The following PCYT1A variants were observed in gnomAD, a reference collection of about 807,000 sequenced individuals.
PCYT1A encodes phosphate cytidylyltransferase 1A, choline.
In PCYT1A, 25 loss-of-function variants were observed where a neutral mutation model predicts 43.7. The ratio of observed to expected loss-of-function variants is 0.57; its 90% CI spans 0.42 to 0.80. The LOEUF (loss-of-function observed/expected upper bound fraction) is 0.80. PCYT1A is among the 30% of genes least tolerant of loss of function. The pLI, the probability that PCYT1A is intolerant of heterozygous loss-of-function variation, is 0.00. For synonymous variants in PCYT1A, 172 were observed against 170.7 expected (o/e 1.01, Z -0.06); for missense variants, 421 against 474.2 (o/e 0.89, Z 1.04).
rs12635925 is a variant in PCYT1A, at chr3:196,268,749, C to A, written c.117+1666G>T. ...GGCAGACGTTGCAGTGAACCGGGAC[C>A]GCACCACTGCACTCCAGCCTGGGTG... On this transcript the variant is annotated intron_variant, in intron 2 of 8. Coordinates refer to ENST00000431016, the MANE Select transcript of PCYT1A (RefSeq NM_001312673.2). This position sits in a 1 kb window ranked among gnomAD's most constrained non-coding sequence, Gnocchi z 4.4. Among the ~76,000 whole-genome samples the A allele has an allele frequency of 1.3e-5, 2 of 151,976 alleles. No homozygotes were observed. The highest frequency in any genetic ancestry group is 6.6e-5 in the Admixed American group (1 of 15,244).
chr3:196,243,875 G>A (rs551610196), intron 5 of PCYT1A, among the ~76,000 whole-genome samples: 30 of 152,352 alleles, frequency 2.0e-4, no homozygotes, highest in Non-Finnish European at 3.4e-4. Context: ...GCGTGATCTC[G>A]GCTCGCTACA....
At position 196,237,947 on chromosome 3, in the gene PCYT1A, T is replaced by C. The variant is rs187811285; in HGVS notation, c.*741A>G. Reference sequence around the variant, plus strand: ...CTCCCAAAGAACTGGGTCACAGAGTTTTCTGAGAAGATGAACACAGCAGAA... The same window carrying C: ...CTCCCAAAGAACTGGGTCACAGAGTCTTCTGAGAAGATGAACACAGCAGAA... On this transcript the variant is annotated 3_prime_UTR_variant, in exon 9 of 9. Coordinates refer to ENST00000431016, the MANE Select transcript of PCYT1A (RefSeq NM_001312673.2). The C allele has an allele frequency of 3.9e-5, 6 of 152,302 alleles. No homozygotes were observed. In the East Asian group the frequency reaches 1.2e-3, roughly 29 times the overall value. 9.4% of individuals were successfully genotyped at this position (152,302 alleles called of 1,614,324 possible).
chr3:196,253,690 C>A (rs1288626718), intron 3 of PCYT1A, among the ~76,000 whole-genome samples: 1 of 152,108 alleles, frequency 6.6e-6, no homozygotes, highest in Non-Finnish European at 1.5e-5. Flanking sequence ...CCAGTGCTTC[C>A]CCAGCCTACC....
In PCYT1A at chr3:196,237,982, T is replaced by C. The variant is rs561715198; in HGVS notation, c.*706A>G. 4 of 152,326 alleles carry C rather than the reference T, an allele frequency of 2.6e-5. No individual in the cohort carries two copies. The highest frequency in any genetic ancestry group is 4.4e-5 in the Non-Finnish European group (3 of 68,016). The allele number at this position is 152,326 out of a possible 1,614,324, so 9.4% of individuals were successfully genotyped here. On this transcript the variant is annotated 3_prime_UTR_variant, in exon 9 of 9. Transcript: ENST00000431016. ...GATGAACACAGCAGAAACACTGCAG[T>C]TGATGCCATGGGTCTGCTTCCATCC...
intron 3 of PCYT1A, among the ~76,000 whole-genome samples, chr3:196,257,061 A>G (rs1441204147): frequency 6.6e-6 from 1 of 152,156 alleles, no homozygotes; most frequent in Non-Finnish European, 1.5e-5. Flanking sequence ...AAAGGATTGG[A>G]AAAAAAGGGA....
At chr3:196,264,811 C>T (rs1725220072) in intron 2 of PCYT1A, among the ~76,000 whole-genome samples, 1 of 152,098 alleles carries the variant, frequency 6.6e-6, no homozygotes, top group Non-Finnish European at 1.5e-5. Context: ...TAATTATTTG[C>T]TGCTGTTTCT....
At chr3:196,258,684 C>T (rs1334607289) in intron 2 of PCYT1A, among the ~76,000 whole-genome samples, 2 of 151,888 alleles carry the variant, frequency 1.3e-5, no homozygotes, top group Non-Finnish European at 2.9e-5. Context: ...AACTCCCCGA[C>T]TCAAGTGATC....
chr3:196,250,723 G>A (rs534905213), intron 3 of PCYT1A: 11 of 168,592 alleles, frequency 6.5e-5, no homozygotes, highest in African/African-American at 2.2e-4. Flanking sequence ...TGAGGCTGAG[G>A]ATCAGATACA....
At chr3:196,261,568 C>T (rs1273297205) in intron 2 of PCYT1A, among the ~76,000 whole-genome samples, 1 of 151,956 alleles carries the variant, frequency 6.6e-6, no homozygotes, top group Admixed American at 6.6e-5. Flanking sequence ...GGCGGGTAGA[C>T]CACCTTAGGT....
chr3:196,279,909 A>C (rs1005729500), intron 1 of PCYT1A, among the ~76,000 whole-genome samples: 1 of 133,736 alleles, frequency 7.5e-6, no homozygotes, highest in Non-Finnish European at 1.5e-5. Flanking sequence ...ATCTCAGCTC[A>C]CCACAACCTC....
chr3:196,270,261 A>G (rs1725391740), intron 2 of PCYT1A, among the ~76,000 whole-genome samples, 154 bp downstream of exon 2: 1 of 152,224 alleles, frequency 6.6e-6, no homozygotes, highest in African/African-American at 2.4e-5. Flanking sequence ...CTGAGCTGTG[A>G]GTCATAATCC....
Position 196,239,790 on chromosome 3 carries a change from C to A in PCYT1A, c.709-55G>T. 3.4e-6 allele frequency: 4 copies of A among 1,190,550 alleles called. No individual in the cohort carries two copies. In the South Asian group the frequency reaches 5.2e-5, roughly 15 times the overall value. 73.7% of individuals were successfully genotyped at this position (1,190,550 alleles called of 1,614,324 possible). ...TAATGCTCATCCTAAACTTCTCTACCATAAGAGAACGAAAAAACATGGCTC... is the reference window on the plus strand; with the variant it reads ...TAATGCTCATCCTAAACTTCTCTACAATAAGAGAACGAAAAAACATGGCTC... On this transcript the variant is annotated intron_variant, in intron 7 of 8. Coordinates refer to ENST00000431016, the MANE Select transcript of PCYT1A (RefSeq NM_001312673.2).
intron 1 of PCYT1A, among the ~76,000 whole-genome samples, chr3:196,271,005 A>T (rs1166058416): frequency 6.6e-6 from 1 of 152,118 alleles, no homozygotes; most frequent in Non-Finnish European, 1.5e-5. Flanking sequence ...CAAGTCCTGG[A>T]TTAACAAAAC....
chr3:196,261,547 T>C (rs1725109128), intron 2 of PCYT1A, among the ~76,000 whole-genome samples: 1 of 152,020 alleles, frequency 6.6e-6, no homozygotes, highest in Admixed American at 6.6e-5. Context: ...ACCAGCACTT[T>C]GGGAGGCCGA....
chr3:196,241,486 T>G, intron 7 of PCYT1A: 3 of 1,285,522 alleles, frequency 2.3e-6, no homozygotes, highest in Non-Finnish European at 2.0e-6. Context: ...GAAAAATATA[T>G]AGAGTTTCTA....
At chr3:196,241,439 C>T (rs1724351357) in intron 7 of PCYT1A, 2 of 1,129,866 alleles carry the variant, frequency 1.8e-6, no homozygotes, top group Non-Finnish European at 2.4e-6. Flanking sequence ...CCTCCCGCCT[C>T]AGCCTCCCAA....
intron 5 of PCYT1A, among the ~76,000 whole-genome samples, chr3:196,244,234 T>G (rs79886024): frequency 6.9e-6 from 1 of 145,264 alleles, no homozygotes; most frequent in Non-Finnish European, 1.5e-5. Flanking sequence ...CGACCCCGTC[T>G]GGGATGTGAG....
rs1553828049 is a variant in PCYT1A, at chr3:196,238,451, G to GGGT, written c.*234_*236dup. 5.5e-6 allele frequency: 2 copies of GGGT among 364,152 alleles called. No individual in the cohort carries two copies. Among genetic ancestry groups the GGGT allele is most frequent in the African/African-American group, 2.1e-5 (1 of 47,634 alleles). The allele number at this position is 364,152 out of a possible 1,614,324, so 22.6% of individuals were successfully genotyped here. ...ACAGTGAAACAAAGCCCTTGGGGGGGGGTAAATGGATGCAGAGCAGGCTTC... is the reference window on the plus strand; with the variant it reads ...ACAGTGAAACAAAGCCCTTGGGGGGGGGTGGTAAATGGATGCAGAGCAGGCTTC... On this transcript the variant is annotated 3_prime_UTR_variant, in exon 9 of 9. Coordinates refer to ENST00000431016, the MANE Select transcript of PCYT1A (RefSeq NM_001312673.2).
chr3:196,262,757 C>G (rs1430818560), intron 2 of PCYT1A, among the ~76,000 whole-genome samples: 2 of 151,630 alleles, frequency 1.3e-5, no homozygotes, highest in African/African-American at 4.8e-5. Flanking sequence ...ATATTGTCTT[C>G]CCAGTACACT....
Sources: gnomAD v4.1 joint callset for allele counts (sites outside exome capture counted in the v4.1 genomes callset) on GRCh38, gnomAD v4.1.1 for gene constraint, Gnocchi (gnomAD v3.1) non-coding constraint, MANE v1.5 for transcripts, NCBI Gene and HGNC (gene_info 2026-07-23, HGNC 2026-07-21) for gene names.